The following CCDC201 variants were observed in gnomAD, a reference collection of about 807,000 sequenced individuals.
The protein encoded by CCDC201 is coiled-coil domain containing 201.
At chr7:45,873,549 C>T (rs576887896), upstream of CCDC201, among the ~76,000 whole-genome samples, 3 of 152,318 alleles carry the variant, frequency 2.0e-5, no homozygotes, top group African/African-American at 7.2e-5. Context: ...GAGCCCAGAG[C>T]GCTGGGCCAG....
At chr7:45,868,190 C>G (rs902579947) in intron 1 of CCDC201, among the ~76,000 whole-genome samples, 1 of 152,160 alleles carries the variant, frequency 6.6e-6, no homozygotes, top group African/African-American at 2.4e-5. Flanking sequence ...CAAGGTTGCT[C>G]ACTACCCACA....
chr7:45,876,786 T>C (rs1268845553), upstream of CCDC201, among the ~76,000 whole-genome samples: 2 of 152,234 alleles, frequency 1.3e-5, no homozygotes, highest in Non-Finnish European at 2.9e-5. Flanking sequence ...GGAGAAGCCA[T>C]GCATGTGCCT....
At chr7:45,875,698 T>C (rs1249481342), upstream of CCDC201, among the ~76,000 whole-genome samples, 3 of 152,236 alleles carry the variant, frequency 2.0e-5, no homozygotes, top group East Asian at 5.8e-4. Context: ...GGGAGAGGCT[T>C]GTGCAGAATA....
chr7:45,861,521 C>T (rs574423732), exon 3 of CCDC201: 3 of 152,312 alleles, frequency 2.0e-5, no homozygotes, highest in Admixed American at 6.5e-5. Flanking sequence ...TATCTAATCC[C>T]TCCTGTGAAG....
At chr7:45,875,804 A>G (rs1198232917), upstream of CCDC201, among the ~76,000 whole-genome samples, 1 of 152,158 alleles carries the variant, frequency 6.6e-6, no homozygotes, top group Non-Finnish European at 1.5e-5. Context: ...GTGACTGAGG[A>G]CAGAGTGGTT....
the CCDC201 span, among the ~76,000 whole-genome samples, chr7:45,883,500 T>A: frequency 1.3e-5 from 2 of 152,116 alleles, no homozygotes; most frequent in Non-Finnish European, 2.9e-5. Flanking sequence ...GAGGCCAGAA[T>A]GGTCCTCAAC....
chr7:45,866,088 A>G (rs1359360963), exon 2 of CCDC201: 1 of 178,840 alleles, frequency 5.6e-6, no homozygotes, highest in Non-Finnish European at 1.2e-5. Flanking sequence ...TGTGTTCAGG[A>G]TCCCAGGCAA....
upstream of CCDC201, among the ~76,000 whole-genome samples, chr7:45,874,139 C>T (rs1030620378): frequency 6.6e-6 from 1 of 151,956 alleles, no homozygotes. Context: ...AGGCTGGTCT[C>T]GAACTCTGCG....
chr7:45,868,106 G>A (rs1248621721), intron 1 of CCDC201, among the ~76,000 whole-genome samples: 1 of 152,168 alleles, frequency 6.6e-6, no homozygotes, highest in Non-Finnish European at 1.5e-5. Flanking sequence ...CTGGCTTGGG[G>A]TCACCCATGA....
chr7:45,867,765 A>T (rs1786693910), intron 1 of CCDC201, among the ~76,000 whole-genome samples: 1 of 152,376 alleles, frequency 6.6e-6, no homozygotes, highest in Middle Eastern at 3.4e-3. Flanking sequence ...TAACTGTGTC[A>T]TAAGTTCAAG....
the CCDC201 span, among the ~76,000 whole-genome samples, chr7:45,885,028 G>A: frequency 3.9e-5 from 6 of 152,298 alleles, no homozygotes; most frequent in Admixed American, 3.9e-4. Flanking sequence ...AATTCATTCT[G>A]AGGGGGCAGC....
At chr7:45,878,106 C>T in the CCDC201 span, among the ~76,000 whole-genome samples, 3 of 152,266 alleles carry the variant, frequency 2.0e-5, no homozygotes, top group African/African-American at 7.2e-5. Context: ...TTTGACTTCA[C>T]ATCCAGGCCA....
the CCDC201 span, among the ~76,000 whole-genome samples, chr7:45,885,040 G>A: frequency 6.6e-6 from 1 of 152,296 alleles, no homozygotes; most frequent in Non-Finnish European, 1.5e-5. Flanking sequence ...GGGGGCAGCC[G>A]CAGGAGGTGG....
upstream of CCDC201, among the ~76,000 whole-genome samples, chr7:45,873,416 A>G (rs997762072): frequency 4.6e-5 from 7 of 152,060 alleles, no homozygotes; most frequent in African/African-American, 7.2e-5. Flanking sequence ...CATGTCAAGA[A>G]AAGAGGACCC....
the CCDC201 span, among the ~76,000 whole-genome samples, chr7:45,880,070 A>G: frequency 1.3e-5 from 2 of 152,238 alleles, no homozygotes; most frequent in Non-Finnish European, 2.9e-5. Context: ...CGGGTGACAG[A>G]GTGAGACTCT....
At chr7:45,882,571 T>C in the CCDC201 span, among the ~76,000 whole-genome samples, 2 of 152,254 alleles carry the variant, frequency 1.3e-5, no homozygotes, top group Admixed American at 6.5e-5. Flanking sequence ...ACGGTCAACA[T>C]TTGTTCTTGC....
the CCDC201 span, among the ~76,000 whole-genome samples, chr7:45,884,988 G>A: frequency 5.3e-5 from 8 of 152,144 alleles, no homozygotes; most frequent in Admixed American, 3.3e-4. Flanking sequence ...AAGCTTGGGA[G>A]CTTGAGATGG....
exon 3 of CCDC201, chr7:45,861,774 C>G (rs1046136680): frequency 6.6e-6 from 1 of 152,230 alleles, no homozygotes; most frequent in Admixed American, 6.5e-5. Context: ...CTCACTGACT[C>G]CAGATGCCAG....
chr7:45,865,559 T>C (rs892381386), intron 2 of CCDC201, among the ~76,000 whole-genome samples: 3 of 152,224 alleles, frequency 2.0e-5, no homozygotes, highest in Non-Finnish European at 4.4e-5. Context: ...TTTACTAGAA[T>C]AGGCTGTTTT....
Sources: gnomAD v4.1 joint callset for allele counts (sites outside exome capture counted in the v4.1 genomes callset) on GRCh38, gnomAD v4.1.1 for gene constraint, MANE v1.5 for transcripts, NCBI Gene and HGNC (gene_info 2026-07-23, HGNC 2026-07-21) for gene names.